Variants in SNX14 observed in about 807,000 individuals in gnomAD.
SNX14 encodes the protein sorting nexin-14.
A neutral mutation model predicts 133.8 loss-of-function variants in SNX14; 93 were observed. The ratio of observed to expected loss-of-function variants is 0.70; its 90% CI spans 0.59 to 0.83. SNX14 has a LOEUF of 0.83. SNX14 is among the 40% of genes least tolerant of loss of function. SNX14 has a pLI of 0.00. For synonymous variants in SNX14, 368 were observed against 365.6 expected (o/e 1.01, Z -0.07); for missense variants, 945 against 1,094.9 (o/e 0.86, Z 1.93).
Position 85,513,873 on chromosome 6 carries a change from A to T in SNX14, c.2580T>A (p.Thr860=), listed in dbSNP as rs1773833456. ...GCTTATCTTGGAGAGAGCGAGGTTC[A>T]GTGTTTTCACAGAATATAGCATCTA... The part of the protein sequence containing the change: ...LLRDAIFCEN[T]EPRSLQDKQK... The change falls in exon 26 of 29, where the codon ACT becomes ACA. Residue 860 remains threonine (T), a synonymous_variant. Transcript: ENST00000314673. 2 of 1,612,418 alleles carry T rather than the reference A, an allele frequency of 1.2e-6. No homozygotes were observed. The highest frequency in any genetic ancestry group is 1.3e-5 in the African/African-American group (1 of 74,904).
In SNX14 at chr6:85,514,250, A is replaced by G; in HGVS notation, c.2393-16T>C. On this transcript the variant is annotated splice_polypyrimidine_tract_variant and intron_variant, in intron 24 of 28. Transcript: ENST00000314673. The stretch of plus-strand genomic sequence containing the variant: ...ACTACCCGTCCTGAGAAAGGATCAA[A>G]TGGGATACCTCATTGTTCCAGATGA... 1 of 1,601,228 alleles carries G rather than the reference A, an allele frequency of 6.2e-7. No individual in the cohort carries two copies. The highest frequency in any genetic ancestry group is 8.5e-7 in the Non-Finnish European group (1 of 1,175,954).
intron 1 of SNX14, among the ~76,000 whole-genome samples, chr6:85,592,010 C>G (rs1802930846): frequency 6.6e-6 from 1 of 152,146 alleles, no homozygotes; most frequent in African/African-American, 2.4e-5. Context: ...GAGACTCCGT[C>G]TCAAAAATAA....
chr6:85,514,725 A>T, intron 23 of SNX14, 96 bp from the exon 24 acceptor site: 2 of 1,278,232 alleles, frequency 1.6e-6, no homozygotes, highest in African/African-American at 1.5e-5. Context: ...AAAGGCATTT[A>T]AACTTTTTCC....
chr6:85,511,917 A>G (rs1772968018), intron 26 of SNX14, among the ~76,000 whole-genome samples: 1 of 152,180 alleles, frequency 6.6e-6, no homozygotes, highest in South Asian at 2.1e-4. Flanking sequence ...ACAGGCCTTT[A>G]GTAATGTGGT....
intron 6 of SNX14, among the ~76,000 whole-genome samples, chr6:85,559,701 A>C (rs867944708): frequency 6.6e-6 from 1 of 152,238 alleles, no homozygotes; most frequent in South Asian, 2.1e-4. Flanking sequence ...GACGCAGATA[A>C]GAGCCACAGT....
chr6:85,567,047 T>C (rs907246978), intron 5 of SNX14, among the ~76,000 whole-genome samples: 1 of 152,188 alleles, frequency 6.6e-6, no homozygotes, highest in Non-Finnish European at 1.5e-5. Context: ...TAATGAAATA[T>C]GTGAATACAG....
chr6:85,538,897 A>G (rs1782750149), intron 15 of SNX14, 33 bp from the exon 16 acceptor site: 1 of 1,553,954 alleles, frequency 6.4e-7, no homozygotes, highest in Non-Finnish European at 8.7e-7. Context: ...TAATATAAGG[A>G]GAGGAAAGAA....
intron 1 of SNX14, among the ~76,000 whole-genome samples, chr6:85,576,025 A>AT (rs772927361): frequency 4.6e-5 from 7 of 152,050 alleles, no homozygotes; most frequent in Non-Finnish European, 7.4e-5. Context: ...TCACTTTACT[A>AT]TTTTTTTCAT....
At position 85,514,595 on chromosome 6, in the gene SNX14, C is replaced by T. The variant is rs945563738; in HGVS notation, c.2303G>A (p.Arg768His). ...FNDLFKNNAN[R>H]AENTERKQNQ... ...TTGCTTTCTCTCTGTATTTTCAGCA[C>T]GGTTTGCATTATTTTTAAACAGATC... Residue 768 changes from arginine (R) to histidine (H), a missense_variant, in exon 24 of 29, where the codon CGT (arginine) becomes CAT (histidine). Arg to His is a conservative substitution (Grantham distance 29, BLOSUM62 0). Transcript: ENST00000314673. 8.1e-6 allele frequency: 13 copies of T among 1,612,124 alleles called. No individual in the cohort carries two copies. In the East Asian group the frequency reaches 1.1e-4, roughly 14 times the overall value.
chr6:85,539,446 T>C lies in SNX14; in HGVS notation c.1449-582A>G, dbSNP rs185777758. Among the ~76,000 whole-genome samples, 290 of 152,212 alleles carry C rather than the reference T, an allele frequency of 1.9e-3. 2 individuals carry two copies. Among genetic ancestry groups the C allele is most frequent in the Middle Eastern group, 6.8e-3 (2 of 294 alleles). ...ACAGTTAACAAAAGATCTCTAAATA[T>C]TAAAAAACAAAAGTTGTACTTTAAG... On this transcript the variant is annotated intron_variant, in intron 15 of 28. Transcript: ENST00000314673.
intron 1 of SNX14, among the ~76,000 whole-genome samples, chr6:85,583,917 A>T (rs1247541431): frequency 2.0e-5 from 3 of 152,218 alleles, no homozygotes; most frequent in Non-Finnish European, 2.9e-5. Flanking sequence ...TTCATATGGA[A>T]ACAAAAAAGA....
chr6:85,588,373 A>T (rs909008499), intron 1 of SNX14, among the ~76,000 whole-genome samples: 1 of 152,098 alleles, frequency 6.6e-6, no homozygotes, highest in African/African-American at 2.4e-5. Context: ...GGAGACCGAG[A>T]CCATCCTGAC....
intron 7 of SNX14, among the ~76,000 whole-genome samples, chr6:85,555,717 C>T (rs1003594562): frequency 1.3e-5 from 2 of 152,250 alleles, no homozygotes; most frequent in African/African-American, 2.4e-5. Context: ...AGGCCAGGCA[C>T]GGTGGCTCAT....
intron 9 of SNX14, 76 bp from the exon 10 acceptor site, chr6:85,547,626 A>G: frequency 8.1e-7 from 1 of 1,231,564 alleles, no homozygotes; most frequent in Non-Finnish European, 1.1e-6. Context: ...AACTTGTATC[A>G]TATTATGTAA....
rs143121199 is a variant in SNX14, at chr6:85,560,147, A to G, written c.550-2087T>C. 1.0e-3 allele frequency among the ~76,000 whole-genome samples: 158 copies of G among 152,294 alleles called. 1 individual carries two copies. Among genetic ancestry groups the G allele is most frequent in the African/African-American group, 3.6e-3 (151 of 41,558 alleles). ...TTGTACTCCTATGTATATACCCAAG[A>G]TAAGTGAAAATATATATCCGACAAA... is the stretch of plus-strand genomic sequence containing the variant. On this transcript the variant is annotated intron_variant, in intron 6 of 28. Coordinates refer to ENST00000314673, the MANE Select transcript of SNX14 (RefSeq NM_153816.6).
At chr6:85,525,507 T>C (rs1778243154) in intron 21 of SNX14, among the ~76,000 whole-genome samples, 2 of 152,178 alleles carry the variant, frequency 1.3e-5, no homozygotes, top group African/African-American at 4.8e-5. Context: ...AATTAAACTT[T>C]AAATAAAATT....
chr6:85,581,483 C>T (rs947000654), intron 1 of SNX14: 4 of 152,122 alleles, frequency 2.6e-5, no homozygotes, highest in Admixed American at 6.5e-5. Flanking sequence ...GGAAACATGG[C>T]TCACCAAACA....
intron 1 of SNX14, among the ~76,000 whole-genome samples, chr6:85,591,026 C>T (rs556537438): frequency 1.1e-4 from 16 of 152,286 alleles, no homozygotes; most frequent in East Asian, 5.8e-4. Context: ...ATTAGTGGTA[C>T]TTTGTATGGA....
In SNX14 at chr6:85,526,195, C is replaced by T; in HGVS notation, c.2038G>A (p.Ala680Thr). 1 of 1,607,422 alleles carries T rather than the reference C, an allele frequency of 6.2e-7. No homozygotes were observed. The highest frequency in any genetic ancestry group is 8.5e-7 in the Non-Finnish European group (1 of 1,177,000). ...HPELSNSQLL[A>T]DFLSPNGGET... ...CCACCATTAGGGGAAAGAAAGTCTG[C>T]CAGAAGTTGACTATTACTCAGTTCT... is the stretch of plus-strand genomic sequence containing the variant. The change falls in exon 21 of 29, where the codon GCA becomes ACA. Residue 680 changes from alanine (A) to threonine (T), a missense_variant. Transcript: ENST00000314673.
Sources: gnomAD v4.1 joint callset for allele counts (sites outside exome capture counted in the v4.1 genomes callset) on GRCh38, gnomAD v4.1.1 for gene constraint, MANE v1.5 for transcripts, NCBI Gene and HGNC (gene_info 2026-07-23, HGNC 2026-07-21) for gene names.